PTPRN2: variants seen among roughly 807,000 people sequenced by gnomAD.
The protein encoded by PTPRN2 is protein tyrosine phosphatase receptor type N2.
PTPRN2 carries 74 observed loss-of-function variants against 118.8 expected under a neutral mutation model. The observed-to-expected ratio is 0.62, with a 90% confidence interval of 0.52 to 0.76. The LOEUF is 0.76. PTPRN2 is among the 30% of genes least tolerant of loss of function. The pLI, the probability that PTPRN2 is intolerant of heterozygous loss-of-function variation, is 0.00. For synonymous variants in PTPRN2, 641 were observed against 608.0 expected (o/e 1.05, Z -0.80); for missense variants, 1,481 against 1,394.4 (o/e 1.06, Z -0.99).
Position 157,611,946 on chromosome 7 carries a change from C to T in PTPRN2, c.2345-7871G>A, listed in dbSNP as rs532099835. ...GTGTGAAGACGAAGACAGCCGTGGTCGTGCTGAGGAGCGAGGCCTCCAGAG... is the reference window on the plus strand; with the variant it reads ...GTGTGAAGACGAAGACAGCCGTGGTTGTGCTGAGGAGCGAGGCCTCCAGAG... On this transcript the variant is annotated intron_variant, in intron 15 of 22. Transcript: ENST00000389418. The surrounding 1 kb of genome is among the most constrained non-coding windows in gnomAD (Gnocchi z 5.9). 7.5e-4 allele frequency among the ~76,000 whole-genome samples: 114 copies of T among 152,314 alleles called. No homozygotes were observed. The highest frequency in any genetic ancestry group is 2.6e-3 in the African/African-American group (108 of 41,572).
intron 11 of PTPRN2, among the ~76,000 whole-genome samples, chr7:157,925,319 C>T (rs10255369): frequency 0.3 from 24,120 of 79,614 alleles, 5,436 homozygotes; most frequent in African/African-American, 0.54. Context: ...GCGTTTAGCA[C>T]GTCAGGCAAA....
intron 1 of PTPRN2, among the ~76,000 whole-genome samples, chr7:158,520,636 G>A (rs1051650847): frequency 2.0e-5 from 3 of 152,160 alleles, no homozygotes. Context: ...CTGTTTTGTG[G>A]GTGGTGATAA....
intron 1 of PTPRN2, among the ~76,000 whole-genome samples, chr7:158,516,734 T>A (rs1358244786): frequency 6.6e-6 from 1 of 152,032 alleles, no homozygotes; most frequent in Non-Finnish European, 1.5e-5. Context: ...TTCCTGGTGC[T>A]GTTCTTGGTG....
intron 1 of PTPRN2, among the ~76,000 whole-genome samples, chr7:158,569,938 T>A (rs551226959): frequency 2.0e-5 from 3 of 152,074 alleles, no homozygotes; most frequent in Non-Finnish European, 4.4e-5. Context: ...GGCGGCGCCC[T>A]CCCGGCCTCC....
In PTPRN2 at chr7:158,137,441, A is replaced by T. The variant is rs1017969093; in HGVS notation, c.1133-746T>A. Among the ~76,000 whole-genome samples the T allele has an allele frequency of 2.4e-4, 36 of 152,220 alleles. 2 individuals carry two copies. The highest frequency in any genetic ancestry group is 1.4e-3 in the Admixed American group (22 of 15,284). ...CAAAAAATAAAATAAAATAATAAAT[A>T]AATTAATTAATATCCTACTTTCAGT... is the stretch of plus-strand genomic sequence containing the variant. On this transcript the variant is annotated intron_variant, in intron 7 of 22. Transcript: ENST00000389418.
At chr7:157,720,022 G>A (rs1002336766) in intron 12 of PTPRN2, among the ~76,000 whole-genome samples, 5 of 149,876 alleles carry the variant, frequency 3.3e-5, no homozygotes, top group African/African-American at 7.3e-5. Context: ...GACAGCCACC[G>A]ATGGAAACGA....
At position 157,610,980 on chromosome 7, in the gene PTPRN2, C is replaced by T. The variant is rs1220828936; in HGVS notation, c.2345-6905G>A. Among the ~76,000 whole-genome samples the T allele has an allele frequency of 6.6e-6, 1 of 152,198 alleles. No homozygotes were observed. The highest frequency in any genetic ancestry group is 1.5e-5 in the Non-Finnish European group (1 of 68,038). On this transcript the variant is annotated intron_variant, in intron 15 of 22. Coordinates refer to ENST00000389418, the MANE Select transcript of PTPRN2 (RefSeq NM_002847.5). This position sits in a 1 kb window ranked among gnomAD's most constrained non-coding sequence, Gnocchi z 5.1. ...GGGCAGACTGGGACAGGCTGGGGCTCATATCCAGAAAGCCCTGCTACATCC... is the reference window on the plus strand; with the variant it reads ...GGGCAGACTGGGACAGGCTGGGGCTTATATCCAGAAAGCCCTGCTACATCC...
chr7:158,124,840 C>A (rs949077967), intron 9 of PTPRN2, among the ~76,000 whole-genome samples: 3 of 152,228 alleles, frequency 2.0e-5, no homozygotes, highest in Non-Finnish European at 4.4e-5. Flanking sequence ...CAGATTCCAA[C>A]AGGAGAGGGT....
chr7:157,888,315 C>T (rs1278881799), intron 12 of PTPRN2, among the ~76,000 whole-genome samples: 1 of 152,138 alleles, frequency 6.6e-6, no homozygotes, highest in East Asian at 1.9e-4. Flanking sequence ...ACCCAAGGAA[C>T]CCCGTGAACT....
chr7:157,553,341 A>G (rs561509919), intron 21 of PTPRN2, among the ~76,000 whole-genome samples: 1 of 152,216 alleles, frequency 6.6e-6, no homozygotes, highest in Non-Finnish European at 1.5e-5. Context: ...CTCACTGGCA[A>G]CCGCCCTCCC....
intron 2 of PTPRN2, among the ~76,000 whole-genome samples, chr7:158,445,892 A>AGACCACCCCATGTGAGAAG (rs1817690205): frequency 1.3e-5 from 2 of 152,352 alleles, no homozygotes; most frequent in South Asian, 4.1e-4. Flanking sequence ...GTCAGCCCTC[A>AGACCACCCCATGTGAGAAG]GACCACCCCA....
chr7:157,666,741 C>T (rs1003094324), intron 13 of PTPRN2, among the ~76,000 whole-genome samples: 2 of 152,234 alleles, frequency 1.3e-5, no homozygotes, highest in African/African-American at 2.4e-5. Context: ...GTTGGGAGGA[C>T]TCTGAGGGTG....
chr7:158,468,576 T>G (rs1819551204), intron 2 of PTPRN2, among the ~76,000 whole-genome samples: 1 of 152,152 alleles, frequency 6.6e-6, no homozygotes, highest in Non-Finnish European at 1.5e-5. Context: ...TTTCCAGGTG[T>G]TACCACCGGC....
chr7:158,192,947 G>A (rs1825896924), intron 4 of PTPRN2, among the ~76,000 whole-genome samples: 1 of 152,192 alleles, frequency 6.6e-6, no homozygotes, highest in Non-Finnish European at 1.5e-5. Flanking sequence ...CCAGAAGCTG[G>A]AAAAGGCAGG....
At chr7:158,053,183 G>A (rs73745101) in intron 11 of PTPRN2, among the ~76,000 whole-genome samples, 4,180 of 152,272 alleles carry the variant, frequency 0.027, 203 homozygotes, top group African/African-American at 0.096. Flanking sequence ...GGAGACACAG[G>A]CTTACCTGGG....
At chr7:158,087,145 G>T (rs1006018013) in intron 10 of PTPRN2, among the ~76,000 whole-genome samples, 1 of 152,124 alleles carries the variant, frequency 6.6e-6, no homozygotes, top group African/African-American at 2.4e-5. Flanking sequence ...AGTCAGGAGG[G>T]GTCTGCTCCT....
intron 12 of PTPRN2, among the ~76,000 whole-genome samples, chr7:157,745,153 A>AG (rs1800847335): frequency 6.6e-6 from 1 of 152,112 alleles, no homozygotes; most frequent in Non-Finnish European, 1.5e-5. Flanking sequence ...AGCATTTCTC[A>AG]GGGGAAGAAA....
At chr7:158,149,477 C>G (rs146966377) in intron 6 of PTPRN2, among the ~76,000 whole-genome samples, 265 of 151,104 alleles carry the variant, frequency 1.8e-3, no homozygotes, top group African/African-American at 6.0e-3. Flanking sequence ...TAATCTCTAA[C>G]AAAGGCAATC....
At chr7:158,356,983 C>T (rs761127610) in intron 2 of PTPRN2, among the ~76,000 whole-genome samples, 5 of 152,126 alleles carry the variant, frequency 3.3e-5, no homozygotes, top group South Asian at 2.1e-4. Flanking sequence ...GCCGGGAGAG[C>T]GGCCTCCGTC....
Sources: allele counts gnomAD v4.1 joint callset (sites outside exome capture counted in the v4.1 genomes callset), GRCh38; gene constraint gnomAD v4.1.1; non-coding constraint Gnocchi (gnomAD v3.1); transcripts MANE v1.5; gene names NCBI Gene and HGNC (gene_info 2026-07-23, HGNC 2026-07-21).